Variants in REV1 observed in about 807,000 individuals in gnomAD.
The protein encoded by REV1 is REV1 DNA directed polymerase.
REV1 carries 42 observed loss-of-function variants against 137.4 expected under a neutral mutation model. That is an observed-to-expected ratio of 0.31 (90% CI 0.24 to 0.40). The LOEUF (loss-of-function observed/expected upper bound fraction) is 0.40, where lower values mean the gene tolerates loss of function less well. REV1 is among the 10% of genes least tolerant of loss of function. The probability of loss-of-function intolerance (pLI) is 1.00; values close to 1 mark genes in which losing one functional copy is unlikely to be tolerated. For synonymous variants in REV1, 524 were observed against 519.2 expected, an observed-to-expected ratio of 1.01 and a Z score of -0.12; for missense variants, 1,282 against 1,490.1, an observed-to-expected ratio of 0.86 and a Z score of 2.30.
intron 10 of REV1, 79 bp downstream of exon 10, chr2:99,424,073 A>C: frequency 7.0e-7 from 1 of 1,434,434 alleles, no homozygotes; most frequent in East Asian, 2.4e-5. Context: ...TGACAATCCT[A>C]AAGAAAACTT....
intron 8 of REV1, chr2:99,431,840 G>T: frequency 1.0e-6 from 1 of 985,416 alleles, no homozygotes; most frequent in Non-Finnish European, 1.2e-6. Context: ...GTCCTCACTG[G>T]AGGGCAAAGT....
chr2:99,474,300 G>T (rs1685734194), intron 1 of REV1, among the ~76,000 whole-genome samples: 1 of 152,102 alleles, frequency 6.6e-6, no homozygotes, highest in Non-Finnish European at 1.5e-5. Flanking sequence ...GACTTCTAGG[G>T]TAGAGAAGCT....
chr2:99,423,623 A>T (rs1678967016), intron 10 of REV1, among the ~76,000 whole-genome samples: 1 of 152,220 alleles, frequency 6.6e-6, no homozygotes. Flanking sequence ...AAATATTTTT[A>T]AAATTAATCA....
chr2:99,441,073 A>G (rs1221276483), intron 5 of REV1, among the ~76,000 whole-genome samples: 1 of 152,208 alleles, frequency 6.6e-6, no homozygotes, highest in African/African-American at 2.4e-5. Flanking sequence ...GAAAAAACAT[A>G]TCTATTTTCT....
intron 3 of REV1, among the ~76,000 whole-genome samples, chr2:99,460,886 C>A (rs1190412474): frequency 6.6e-6 from 1 of 152,076 alleles, no homozygotes; most frequent in Non-Finnish European, 1.5e-5. Flanking sequence ...ATTCCAGATT[C>A]TCAATCAAAA....
At chr2:99,445,414 A>G (rs1682068753) in intron 4 of REV1, among the ~76,000 whole-genome samples, 1 of 152,222 alleles carries the variant, frequency 6.6e-6, no homozygotes, top group Non-Finnish European at 1.5e-5. Context: ...CTATGTGACC[A>G]TCTAATCACG....
At chr2:99,457,823 T>C (rs1683710145) in intron 3 of REV1, among the ~76,000 whole-genome samples, 2 of 152,136 alleles carry the variant, frequency 1.3e-5, no homozygotes, top group African/African-American at 4.8e-5. Context: ...TGATATAGTG[T>C]GGTACTGGTG....
Position 99,424,250 on chromosome 2 carries a change from A to C in REV1, c.1578T>G (p.Phe526Leu). 2.5e-6 allele frequency: 4 copies of C among 1,613,858 alleles called. No individual in the cohort carries two copies. Among genetic ancestry groups the C allele is most frequent in the Non-Finnish European group, 3.4e-6 (4 of 1,179,844 alleles). ...RQLGIKNGMFFGHAKQLCPNL... is the reference protein window; with the variant it reads ...RQLGIKNGMFLGHAKQLCPNL... ...TAGGACATAGTTGTTTAGCATGCCC[A>C]AAAAACATTCCGTTCTTAATGCCAA... Residue 526 changes from phenylalanine to leucine, a missense_variant, in exon 10 of 23, where the codon TTT becomes TTG. Around this residue, in one of 7 missense-constraint regions of REV1, gnomAD observed 372 missense variants for 482.3 expected, o/e 0.77. Transcript: ENST00000258428.
At chr2:99,407,460 G>A (rs1448961170) in intron 15 of REV1, among the ~76,000 whole-genome samples, 3 of 147,322 alleles carry the variant, frequency 2.0e-5, no homozygotes, top group East Asian at 2.0e-4. Flanking sequence ...GCTGAAGAAG[G>A]AGAATTGCTT....
rs1236753842 is a variant in REV1, at chr2:99,402,309, G to A, written c.3579C>T (p.Tyr1193=). The A allele has an allele frequency of 2.0e-6, 3 of 1,536,958 alleles. No homozygotes were observed. In the East Asian group the frequency reaches 6.7e-5, roughly 35 times the overall value. Reference sequence around the variant, plus strand: ...CTTTTTCTTCTATTAGATCAGTACAGTATTTCACAACTTGGAGAATGTCTT... The same window carrying A: ...CTTTTTCTTCTATTAGATCAGTACAATATTTCACAACTTGGAGAATGTCTT... The part of the protein sequence containing the change: ...MEEDILQVVK[Y]CTDLIEEKDL... The change falls in exon 22 of 23, where the codon TAC becomes TAT. Residue 1193 remains tyrosine, a synonymous_variant. Transcript: ENST00000258428.
intron 5 of REV1, among the ~76,000 whole-genome samples, chr2:99,440,038 T>TG (rs1681282843): frequency 1.3e-5 from 2 of 152,144 alleles, no homozygotes; most frequent in African/African-American, 4.8e-5. Context: ...TAAGGACGCT[T>TG]GCCTTACTGA....
rs1574950655 is a variant in REV1 at position 99,401,186 on chromosome 2, C to T, written c.*55G>A. The T allele has an allele frequency of 3.7e-6, 4 of 1,082,978 alleles. No individual in the cohort carries two copies. The highest frequency in any genetic ancestry group is 4.7e-5 in the East Asian group (2 of 42,138). The allele number at this position is 1,082,978 out of a possible 1,614,324, so 67.1% of individuals were successfully genotyped here. On this transcript the variant is annotated 3_prime_UTR_variant, in exon 23 of 23. Coordinates refer to ENST00000258428, the MANE Select transcript of REV1 (RefSeq NM_016316.4). ...ATTACTATCATGCACTTTGCAAATA[C>T]CTCACAAGCACTTATGGCACAGCTA...
chr2:99,417,078 T>C (rs1677994676), intron 12 of REV1, among the ~76,000 whole-genome samples: 1 of 152,140 alleles, frequency 6.6e-6, no homozygotes, highest in African/African-American at 2.4e-5. Context: ...GACTAAACTG[T>C]GTCTTCCCCA....
intron 3 of REV1, among the ~76,000 whole-genome samples, chr2:99,457,038 C>T (rs768765341): frequency 5.9e-5 from 9 of 152,164 alleles, no homozygotes; most frequent in South Asian, 2.1e-4. Flanking sequence ...CTAAACATTT[C>T]GATTCCTTTA....
intron 9 of REV1, 117 bp downstream of exon 9, chr2:99,429,723 C>T: frequency 3.6e-6 from 2 of 549,034 alleles, no homozygotes; most frequent in South Asian, 3.2e-5. Flanking sequence ...AAGGCTAAAA[C>T]CTCATAACAC....
At chr2:99,473,677 T>A (rs1233612580) in intron 1 of REV1, among the ~76,000 whole-genome samples, 3 of 152,252 alleles carry the variant, frequency 2.0e-5, no homozygotes, top group African/African-American at 7.2e-5. Flanking sequence ...AACATTTTCC[T>A]GTTGCTAATT....
At chr2:99,472,672 C>CAGT (rs1354202518) in intron 1 of REV1, among the ~76,000 whole-genome samples, 1 of 152,240 alleles carries the variant, frequency 6.6e-6, no homozygotes, top group Non-Finnish European at 1.5e-5. Flanking sequence ...ATCTGTACAG[C>CAGT]AGTACCTGGG....
chr2:99,409,850 A>G (rs1237353693), intron 14 of REV1, among the ~76,000 whole-genome samples: 1 of 68,498 alleles, frequency 1.5e-5, no homozygotes, highest in Non-Finnish European at 3.0e-5. Flanking sequence ...CTCAAAACAA[A>G]CAACCCCCCC....
At position 99,429,782 on chromosome 2, in the gene REV1, TATAAAA is replaced by T. The variant is rs1679878893; in HGVS notation, c.1547+52_1547+57del. Reference sequence around the variant, plus strand: ...CAAAAGATTATAGTTCAAGAAATTATATAAAAATAATTAACCAAATTATTCATTAAG... The same window carrying T: ...CAAAAGATTATAGTTCAAGAAATTATATAATTAACCAAATTATTCATTAAG... On this transcript the variant is annotated intron_variant, in intron 9 of 22. Transcript: ENST00000258428. 4.8e-6 allele frequency: 5 copies of T among 1,039,230 alleles called. No individual in the cohort carries two copies. In the South Asian group the frequency reaches 6.6e-5, roughly 14 times the overall value. 64.4% of individuals were successfully genotyped at this position (1,039,230 alleles called of 1,614,324 possible).
Sources: gnomAD v4.1 joint callset for allele counts (sites outside exome capture counted in the v4.1 genomes callset) on GRCh38, gnomAD v4.1.1 for gene constraint, gnomAD v4.1.1 regional missense constraint, MANE v1.5 for transcripts, NCBI Gene and HGNC (gene_info 2026-07-23, HGNC 2026-07-21) for gene names.